PSD3: variants seen among roughly 807,000 people sequenced by gnomAD.
The protein encoded by PSD3 is PH and SEC7 domain-containing protein 3.
A neutral mutation model predicts 105.5 loss-of-function variants in PSD3; 49 were observed. The observed-to-expected ratio is 0.46, with a 90% CI of 0.37 to 0.59. The LOEUF (loss-of-function observed/expected upper bound fraction) is 0.59. Ranked by LOEUF, PSD3 falls within the 20% of genes least tolerant of loss-of-function variation. The probability of loss-of-function intolerance (pLI) is 0.00; values close to 1 mark genes in which losing one functional copy is unlikely to be tolerated. For synonymous variants in PSD3, 557 were observed against 457.8 expected (o/e 1.22, Z -2.77); for missense variants, 1,561 against 1,263.8 (o/e 1.24, Z -3.57).
At chr8:18,862,892 C>CA (rs763451398) in intron 4 of PSD3, among the ~76,000 whole-genome samples, 3,160 of 79,426 alleles carry the variant, frequency 0.04, 105 homozygotes, top group African/African-American at 0.098. Flanking sequence ...AAGAGCAAGG[C>CA]AAAAAAAAAA....
At chr8:18,660,211 AAAG>A (rs993460350) in intron 9 of PSD3, among the ~76,000 whole-genome samples, 1 of 152,158 alleles carries the variant, frequency 6.6e-6, no homozygotes, top group Non-Finnish European at 1.5e-5. Context: ...TTAAGAAAGA[AAAG>A]AAGGCAACAT....
chr8:19,084,646 C>T (rs868094507), exon 1 of PSD3: 2 of 342,070 alleles, frequency 5.8e-6, no homozygotes, highest in East Asian at 7.7e-5. Context: ...CCCCTGCTTA[C>T]GTCCGGATCC....
chr8:18,586,308 C>T (rs1374232352), intron 12 of PSD3, among the ~76,000 whole-genome samples: 1 of 152,092 alleles, frequency 6.6e-6, no homozygotes, highest in African/African-American at 2.4e-5. Flanking sequence ...GCCTAGTTTT[C>T]CTTCTGATGA....
chr8:18,742,511 A>G (rs1804655284), intron 9 of PSD3, among the ~76,000 whole-genome samples: 1 of 152,212 alleles, frequency 6.6e-6, no homozygotes, highest in Admixed American at 6.5e-5. Flanking sequence ...ATATTCTTTG[A>G]AAACATGTAG....
intron 4 of PSD3, among the ~76,000 whole-genome samples, chr8:18,839,101 G>A (rs1563331377): frequency 6.6e-6 from 1 of 151,866 alleles, no homozygotes; most frequent in Non-Finnish European, 1.5e-5. Flanking sequence ...CCTGCACTGA[G>A]CTCTCTCCCA....
chr8:18,669,780 C>T (rs866590571), intron 9 of PSD3, among the ~76,000 whole-genome samples: 5 of 152,058 alleles, frequency 3.3e-5, no homozygotes, highest in East Asian at 3.9e-4. Context: ...AGATAAGGGG[C>T]GAATCCCGTA....
chr8:18,632,144 C>G (rs1191280704), intron 11 of PSD3, among the ~76,000 whole-genome samples: 1 of 152,044 alleles, frequency 6.6e-6, no homozygotes, highest in African/African-American at 2.4e-5. Context: ...AAAGGCGAGT[C>G]ATTCCACATA....
At chr8:19,076,725 A>C (rs2063078) in intron 1 of PSD3, among the ~76,000 whole-genome samples, 58,987 of 152,068 alleles carry the variant, frequency 0.39, 12,879 homozygotes, top group East Asian at 0.74. Context: ...TGTTTTTTAA[A>C]GAGAATTTCT....
intron 12 of PSD3, among the ~76,000 whole-genome samples, chr8:18,600,085 G>A (rs77382594): frequency 1.3e-5 from 2 of 152,194 alleles, no homozygotes; most frequent in East Asian, 3.9e-4. Context: ...TTAAAGGATG[G>A]GCATATATAG....
At chr8:18,769,255 G>A (rs1490686576) in intron 8 of PSD3, among the ~76,000 whole-genome samples, 1 of 152,074 alleles carries the variant, frequency 6.6e-6, no homozygotes, top group African/African-American at 2.4e-5. Context: ...AATAAAGGAA[G>A]GTCTAATTTA....
chr8:18,573,429 C>T (rs924206937), intron 13 of PSD3, among the ~76,000 whole-genome samples: 3 of 152,144 alleles, frequency 2.0e-5, no homozygotes, highest in Admixed American at 2.0e-4. Context: ...GAGATCACGC[C>T]ACCGCACTCC....
At chr8:18,974,971 T>C (rs577878587) in intron 1 of PSD3, among the ~76,000 whole-genome samples, 7 of 152,146 alleles carry the variant, frequency 4.6e-5, no homozygotes, top group Non-Finnish European at 8.8e-5. Flanking sequence ...ACTGTTGCCA[T>C]GGCATTGGAG....
intron 1 of PSD3, among the ~76,000 whole-genome samples, chr8:18,985,674 T>C (rs1421978850): frequency 6.6e-6 from 1 of 152,156 alleles, no homozygotes; most frequent in East Asian, 1.9e-4. Flanking sequence ...AAAAATAGCA[T>C]TTTCTTCTGG....
intron 11 of PSD3, among the ~76,000 whole-genome samples, chr8:18,624,241 C>T (rs1444144906): frequency 6.6e-6 from 1 of 151,820 alleles, no homozygotes; most frequent in African/African-American, 2.4e-5. Context: ...AGAAGAGGGC[C>T]CATTGCTCCA....
chr8:18,612,124 C>T (rs114393580), intron 11 of PSD3, among the ~76,000 whole-genome samples: 2 of 151,772 alleles, frequency 1.3e-5, no homozygotes. Flanking sequence ...ACAAAGCAGC[C>T]TTACATAAAA....
In PSD3 at chr8:18,534,864, G is replaced by T. The variant is rs1418295889; in HGVS notation, c.*879C>A. 1 of 152,514 alleles carries T rather than the reference G, an allele frequency of 6.6e-6. No homozygotes were observed. Among genetic ancestry groups the T allele is most frequent in the Non-Finnish European group, 1.5e-5 (1 of 68,042 alleles). The allele number at this position is 152,514 out of a possible 1,614,324, so 9.4% of individuals were successfully genotyped here. On this transcript the variant is annotated 3_prime_UTR_variant, in exon 16 of 16. Transcript: ENST00000327040. ...AGTAAGAAAAATCTATTCCTGGATGGAAGGATATCAACGATAGAGATGATG... is the reference window on the plus strand; with the variant it reads ...AGTAAGAAAAATCTATTCCTGGATGTAAGGATATCAACGATAGAGATGATG...
chr8:19,063,646 T>A (rs1450203607), intron 1 of PSD3, among the ~76,000 whole-genome samples: 1 of 152,104 alleles, frequency 6.6e-6, no homozygotes, highest in African/African-American at 2.4e-5. Flanking sequence ...AGTAAAGACT[T>A]TTACCCAGGT....
chr8:18,775,772 G>C (rs557733784), intron 8 of PSD3, among the ~76,000 whole-genome samples: 1 of 152,114 alleles, frequency 6.6e-6, no homozygotes, highest in Non-Finnish European at 1.5e-5. Flanking sequence ...CTACCATTCT[G>C]TAGCTTGTAT....
At chr8:18,655,971 T>G (rs941858155) in intron 9 of PSD3, among the ~76,000 whole-genome samples, 1 of 152,234 alleles carries the variant, frequency 6.6e-6, no homozygotes, top group Non-Finnish European at 1.5e-5. Context: ...AGGATGTGAT[T>G]AAAATTACAC....
Sources: allele counts gnomAD v4.1 joint callset (sites outside exome capture counted in the v4.1 genomes callset), GRCh38; gene constraint gnomAD v4.1.1; transcripts MANE v1.5; gene names NCBI Gene and HGNC (gene_info 2026-07-23, HGNC 2026-07-21).